ACRV1: variants seen among roughly 807,000 people sequenced by gnomAD.
ACRV1 encodes acrosomal vesicle protein 1, also known as acrosomal protein SP-10.
A neutral mutation model predicts 29.2 loss-of-function variants in ACRV1; 17 were observed. That is an observed-to-expected ratio of 0.58 (90% CI 0.40 to 0.87). The LOEUF (loss-of-function observed/expected upper bound fraction) is 0.87. ACRV1 is among the 40% of genes least tolerant of loss of function. The pLI is 0.00. For missense variants in ACRV1, 294 were observed against 316.0 expected (o/e 0.93, Z 0.53); for synonymous variants, 98 against 111.6 (o/e 0.88, Z 0.77).
rs946088100 is a variant in ACRV1 at position 125,671,829 on chromosome 11, G to A, written c.*764C>T. The A allele has an allele frequency of 6.6e-6, 1 of 152,204 alleles. No individual in the cohort carries two copies. Among genetic ancestry groups the A allele is most frequent in the Non-Finnish European group, 1.5e-5 (1 of 68,030 alleles). 9.4% of individuals were successfully genotyped at this position (152,204 alleles called of 1,614,324 possible). On this transcript the variant is annotated 3_prime_UTR_variant, in exon 4 of 4. Coordinates refer to ENST00000533904, the MANE Select transcript of ACRV1 (RefSeq NM_001612.6). ...ACTCTGGGATCTTTCCTGAGGATCAGATGAGACCGTGTATGTGAAAACATC... is the reference window on the plus strand; with the variant it reads ...ACTCTGGGATCTTTCCTGAGGATCAAATGAGACCGTGTATGTGAAAACATC...
rs113034222 is a variant in ACRV1 at position 125,677,870 on chromosome 11, C to T, written c.480G>A (p.Ser160=). The change falls in exon 2 of 4, where the codon TCG becomes TCA. Residue 160 remains serine (S), a synonymous_variant. Transcript: ENST00000533904. ...CGTGCTCACCTGAAGGCTGTTCACC[C>T]GAGGCCTGCTCACCAGAAGGCTGTT... ...SGEQPSGEQA[S]GEQPSGEHAS... 6.1e-5 allele frequency: 99 copies of T among 1,613,616 alleles called. 1 individual carries two copies. Among genetic ancestry groups the T allele is most frequent in the Middle Eastern group, 4.9e-4 (3 of 6,062 alleles).
Position 125,672,330 on chromosome 11 carries a change from T to C in ACRV1, c.*263A>G. ...GGGAAAAAAAGGTCTGTCTTGAGCC[T>C]GTGTGCTTTAACCATGTGAAATTTA... On this transcript the variant is annotated 3_prime_UTR_variant, in exon 4 of 4. Transcript: ENST00000533904. The C allele has an allele frequency of 2.6e-6, 1 of 387,546 alleles. No individual in the cohort carries two copies. The highest frequency in any genetic ancestry group is 4.2e-5 in the South Asian group (1 of 24,002). The allele number at this position is 387,546 out of a possible 1,614,324, so 24.0% of individuals were successfully genotyped here. A position where few individuals can be genotyped will look rare whatever the true frequency, so the allele number is the denominator to read the frequency against.
In ACRV1 at chr11:125,677,772, T is replaced by C. The variant is rs17141381; in HGVS notation, c.553+25A>G. 9,753 of 1,611,150 alleles carry C rather than the reference T, an allele frequency of 6.1e-3. 372 individuals are homozygous for C. In the East Asian group the frequency reaches 0.1, roughly 17 times the overall value. The stretch of plus-strand genomic sequence containing the variant: ...CCATTTCCCACCTGAAGTCAATGAC[T>C]GGCACCCATCCAAACATGGCTCACC... On this transcript the variant is annotated intron_variant, in intron 2 of 3. Coordinates refer to ENST00000533904, the MANE Select transcript of ACRV1 (RefSeq NM_001612.6).
chr11:125,678,334 C>T (rs1942627002), intron 1 of ACRV1, 37 bp from the exon 2 acceptor site: 13 of 1,599,880 alleles, frequency 8.1e-6, no homozygotes, highest in African/African-American at 1.3e-5. Flanking sequence ...GTTGGTGAAG[C>T]TGACAGAATG....
At chr11:125,677,135 A>G (rs978637941) in intron 2 of ACRV1, among the ~76,000 whole-genome samples, 12 of 152,222 alleles carry the variant, frequency 7.9e-5, no homozygotes, top group African/African-American at 2.9e-4. Context: ...GACATTGGAC[A>G]TATTACATTT....
chr11:125,673,100 T>G (rs1261813374), intron 3 of ACRV1, among the ~76,000 whole-genome samples: 4 of 152,110 alleles, frequency 2.6e-5, no homozygotes, highest in African/African-American at 9.6e-5. Flanking sequence ...TGCCGAAACC[T>G]CTCTCAAAAG....
rs1942245963 is a variant in ACRV1 at position 125,672,574 on chromosome 11, C to A, written c.*19G>T. 5 of 1,612,404 alleles carry A rather than the reference C, an allele frequency of 3.1e-6. No homozygotes were observed. The highest frequency in any genetic ancestry group is 4.2e-6 in the Non-Finnish European group (5 of 1,179,584). On this transcript the variant is annotated 3_prime_UTR_variant, in exon 4 of 4. Transcript: ENST00000533904. ...AGGCTTTTTACTGCCTGAGTCAAAA[C>A]AAGCAAGGGCCCAGGCTTCTAGATC...
At chr11:125,678,448 T>C (rs1942630877) in intron 1 of ACRV1, 151 bp from the exon 2 acceptor site, 1 of 908,946 alleles carries the variant, frequency 1.1e-6, no homozygotes, top group African/African-American at 1.7e-5. Flanking sequence ...TTGGGAAAAA[T>C]CAACTAAGTA....
intron 3 of ACRV1, among the ~76,000 whole-genome samples, chr11:125,674,036 A>T (rs1159816253): frequency 6.6e-6 from 1 of 152,134 alleles, no homozygotes; most frequent in East Asian, 1.9e-4. Context: ...TTGTGATCCC[A>T]GCTACTCAGG....
rs747783930 is a variant in ACRV1 at position 125,676,454 on chromosome 11, CAT to C, written c.576_577del (p.Ala194LeufsTer4). On this transcript the variant is annotated frameshift_variant, in exon 3 of 4. Transcript: ENST00000533904. LOFTEE classifies it high-confidence loss of function. ...TTTTCCTTGATCATTCATATAAGCA[CAT>C]GTGTAGCAATTTAATATTGTGCCTG... The C allele has an allele frequency of 2.6e-5, 42 of 1,614,136 alleles. No individual in the cohort carries two copies. The highest frequency in any genetic ancestry group is 3.3e-5 in the Non-Finnish European group (39 of 1,179,998).
intron 3 of ACRV1, chr11:125,676,062 C>T: frequency 4.0e-6 from 1 of 251,912 alleles, no homozygotes; most frequent in South Asian, 6.8e-5. Context: ...TGCCCACCAC[C>T]ACACCTGGCT....
intron 3 of ACRV1, among the ~76,000 whole-genome samples, chr11:125,674,932 C>T (rs1942416352): frequency 1.3e-5 from 2 of 152,176 alleles, no homozygotes; most frequent in Admixed American, 1.3e-4. Context: ...ACTCTTTGCT[C>T]TTTTTCCTAT....
chr11:125,675,282 T>A (rs1468816508), intron 3 of ACRV1, among the ~76,000 whole-genome samples: 2 of 152,344 alleles, frequency 1.3e-5, no homozygotes, highest in African/African-American at 2.4e-5. Context: ...ATCTTTCCTT[T>A]CCCTGAACTC....
At chr11:125,675,872 G>C (rs1299104972) in intron 3 of ACRV1, 1 of 156,480 alleles carries the variant, frequency 6.4e-6, no homozygotes, top group Non-Finnish European at 1.4e-5. Context: ...ATCAGTACCT[G>C]GTGGTAGAAT....
rs1042162113 is a variant in ACRV1 at position 125,671,912 on chromosome 11, C to G, written c.*681G>C. On this transcript the variant is annotated 3_prime_UTR_variant, in exon 4 of 4. Coordinates refer to ENST00000533904, the MANE Select transcript of ACRV1 (RefSeq NM_001612.6). ...TTAGTATTTCCATTTGCCCTCCTAT[C>G]CTGTATAGATGATTCAGTAACATTG... The G allele has an allele frequency of 2.0e-5, 3 of 152,160 alleles. No homozygotes were observed. In the East Asian group the frequency reaches 5.8e-4, roughly 29 times the overall value. The allele number at this position is 152,160 out of a possible 1,614,324, so 9.4% of individuals were successfully genotyped here.
chr11:125,675,377 C>T (rs1942452595), intron 3 of ACRV1, among the ~76,000 whole-genome samples: 1 of 151,024 alleles, frequency 6.6e-6, no homozygotes, highest in African/African-American at 2.4e-5. Flanking sequence ...AACATAATCT[C>T]TTTGTACACA....
intron 3 of ACRV1, among the ~76,000 whole-genome samples, chr11:125,674,865 G>T (rs1045177501): frequency 6.6e-6 from 1 of 152,122 alleles, no homozygotes; most frequent in African/African-American, 2.4e-5. Flanking sequence ...GTATCAGCTG[G>T]CTCCAGTCAA....
intron 1 of ACRV1, among the ~76,000 whole-genome samples, chr11:125,679,192 C>T (rs1942673608): frequency 7.1e-6 from 1 of 140,224 alleles, no homozygotes; most frequent in Non-Finnish European, 1.6e-5. Flanking sequence ...TGGCCAGTCT[C>T]TTCTACCTTT....
intron 1 of ACRV1, among the ~76,000 whole-genome samples, chr11:125,679,216 C>CTTTTTTTTTT (rs71045115): frequency 0.27 from 32,078 of 117,798 alleles, 5,355 homozygotes; most frequent in South Asian, 0.33. Context: ...CCGTCTCTTT[C>CTTTTTTTTTT]TTTTTTTTTT....
Sources: gnomAD v4.1 joint callset for allele counts (sites outside exome capture counted in the v4.1 genomes callset) on GRCh38, gnomAD v4.1.1 for gene constraint, MANE v1.5 for transcripts, NCBI Gene and HGNC (gene_info 2026-07-23, HGNC 2026-07-21) for gene names.